Variants in DCLK1 observed in about 807,000 individuals in gnomAD.
The protein encoded by DCLK1 is serine/threonine-protein kinase DCLK1.
DCLK1 carries 16 observed loss-of-function variants against 86.2 expected under a neutral mutation model. That is an observed-to-expected ratio of 0.19 (90% CI 0.13 to 0.28). DCLK1 has a LOEUF of 0.28. Ranked by LOEUF, DCLK1 falls within the 10% of genes least tolerant of loss-of-function variation. The pLI is 1.00. For synonymous variants in DCLK1, 369 were observed against 370.5 expected (o/e 1.00, Z 0.05); for missense variants, 590 against 940.2 (o/e 0.63, Z 4.87).
chr13:36,054,232 G>A (rs987689794), intron 3 of DCLK1, among the ~76,000 whole-genome samples: 15 of 152,066 alleles, frequency 9.9e-5, no homozygotes, highest in African/African-American at 3.4e-4. Context: ...TCTCAGCAGT[G>A]ACACATCATC....
chr13:36,034,936 C>T (rs1300468802), intron 3 of DCLK1, among the ~76,000 whole-genome samples: 1 of 152,120 alleles, frequency 6.6e-6, no homozygotes, highest in Middle Eastern at 3.2e-3. Context: ...AGCGGAAAGG[C>T]TTAGGTAGGC....
At chr13:35,810,185 T>C (rs2087113894) in intron 12 of DCLK1, among the ~76,000 whole-genome samples, 1 of 152,192 alleles carries the variant, frequency 6.6e-6, no homozygotes, top group Non-Finnish European at 1.5e-5. Context: ...TCTAACCCAT[T>C]AGAGTTTCAA....
Position 35,810,843 on chromosome 13 carries a change from T to C in DCLK1, c.1680A>G (p.Ala560=), listed in dbSNP as rs2153102939. The change falls in exon 12 of 17, where the codon GCA becomes GCG. Residue 560 remains alanine (A), a synonymous_variant. Transcript: ENST00000360631. ...ATAAGAGAAGCATTTACCCAGTCTC[T>C]GCAATGATTTCTGGAGCCACGTATG... is the stretch of plus-strand genomic sequence containing the variant. ...TPTYVAPEII[A]ETGYGLKVDI... 1.1e-5 allele frequency: 17 copies of C among 1,613,880 alleles called. No homozygotes were observed. The highest frequency in any genetic ancestry group is 1.4e-5 in the Non-Finnish European group (16 of 1,179,892).
intron 8 of DCLK1, among the ~76,000 whole-genome samples, chr13:35,833,265 A>T (rs889454044): frequency 2.6e-5 from 4 of 152,134 alleles, no homozygotes; most frequent in African/African-American, 9.7e-5. Flanking sequence ...TCATGACTAT[A>T]TCACCCCAAC....
intron 3 of DCLK1, among the ~76,000 whole-genome samples, chr13:36,099,284 T>C (rs1885117004): frequency 6.6e-6 from 1 of 152,186 alleles, no homozygotes; most frequent in South Asian, 2.1e-4. Context: ...GGATTCTTAA[T>C]GTGCTAGAAG....
chr13:36,092,477 C>A (rs1469930869), intron 3 of DCLK1, among the ~76,000 whole-genome samples: 1 of 134,050 alleles, frequency 7.5e-6, no homozygotes, highest in Non-Finnish European at 1.5e-5. Flanking sequence ...ATCCGAGAGG[C>A]GTTTTCTTTT....
intron 3 of DCLK1, among the ~76,000 whole-genome samples, chr13:36,054,681 TA>T (rs777054548): frequency 2.6e-5 from 4 of 151,922 alleles, no homozygotes; most frequent in Non-Finnish European, 5.9e-5. Context: ...TATGAGGAGG[TA>T]AATGTGAGCA....
At chr13:35,852,082 G>A (rs927344614) in intron 6 of DCLK1, among the ~76,000 whole-genome samples, 2 of 151,896 alleles carry the variant, frequency 1.3e-5, no homozygotes, top group African/African-American at 4.8e-5. Context: ...AACACAGAAG[G>A]AAAAAATAGA....
rs1343053315 is a variant in DCLK1 at position 36,011,052 on chromosome 13, T to C, written c.724-63595A>G. On this transcript the variant is annotated intron_variant, in intron 3 of 16. Transcript: ENST00000360631. ...GTATTCTCTGATGGTAGTTTGTATT[T>C]CTGTGGGATCGGTGGTGATATCCCC... Among the ~76,000 whole-genome samples the C allele has an allele frequency of 7.3e-3, 379 of 51,626 alleles. 9 individuals carry two copies. The highest frequency in any genetic ancestry group is 0.027 in the African/African-American group (358 of 13,222). The allele number at this position is 51,626 out of a possible 152,430, so 33.9% of individuals were successfully genotyped here.
At chr13:35,819,974 A>G (rs1464404396) in intron 11 of DCLK1, among the ~76,000 whole-genome samples, 4 of 152,208 alleles carry the variant, frequency 2.6e-5, no homozygotes, top group African/African-American at 9.6e-5. Flanking sequence ...TCAAGGTCAT[A>G]AGACCAGGCA....
At chr13:36,050,681 A>G (rs1883092004) in intron 3 of DCLK1, among the ~76,000 whole-genome samples, 1 of 152,152 alleles carries the variant, frequency 6.6e-6, no homozygotes, top group Non-Finnish European at 1.5e-5. Flanking sequence ...CTCGTCCTTC[A>G]TTATGCATGA....
intron 4 of DCLK1, among the ~76,000 whole-genome samples, chr13:35,880,028 A>T (rs186706962): frequency 6.6e-6 from 1 of 152,244 alleles, no homozygotes; most frequent in South Asian, 2.1e-4. Flanking sequence ...TAACTCTTAC[A>T]TTCTTCCTCC....
chr13:36,102,864 A>C (rs1459936145), intron 3 of DCLK1, among the ~76,000 whole-genome samples: 1 of 152,230 alleles, frequency 6.6e-6, no homozygotes, highest in African/African-American at 2.4e-5. Context: ...GTAAGTCAGA[A>C]GATAGACAAA....
intron 4 of DCLK1, among the ~76,000 whole-genome samples, chr13:35,927,293 T>C (rs1876177028): frequency 6.6e-6 from 1 of 152,222 alleles, no homozygotes; most frequent in South Asian, 2.1e-4. Context: ...CATAAGTCCA[T>C]CCTTCTCAAT....
rs1434289673 is a variant in DCLK1, at chr13:35,854,008, AT to A, written c.1035+490del. 2.0e-5 allele frequency among the ~76,000 whole-genome samples: 3 copies of A among 152,288 alleles called. No individual in the cohort carries two copies. In the East Asian group the frequency reaches 5.8e-4, roughly 30 times the overall value. Reference sequence around the variant, plus strand: ...AAATTCTCCATAAATGCAAGTAGTGATGAAAAGGTGCTCAATGTGGGTTTCA... The same window carrying A: ...AAATTCTCCATAAATGCAAGTAGTGAGAAAAGGTGCTCAATGTGGGTTTCA... On this transcript the variant is annotated intron_variant, in intron 6 of 16. Coordinates refer to ENST00000360631, the MANE Select transcript of DCLK1 (RefSeq NM_001330071.2).
At chr13:36,073,498 C>CA (rs756687082) in intron 3 of DCLK1, among the ~76,000 whole-genome samples, 2 of 151,048 alleles carry the variant, frequency 1.3e-5, no homozygotes, top group South Asian at 2.1e-4. Context: ...AAACAAAAAA[C>CA]AAAAAACAAA....
intron 15 of DCLK1, 154 bp downstream of exon 15, chr13:35,805,545 C>T: frequency 1.5e-6 from 1 of 659,128 alleles, no homozygotes; most frequent in Middle Eastern, 2.7e-4. Flanking sequence ...GCAATCCACC[C>T]ACCTCGGCCT....
intron 16 of DCLK1, among the ~76,000 whole-genome samples, chr13:35,781,193 G>A (rs536309224): frequency 3.9e-5 from 6 of 152,276 alleles, no homozygotes; most frequent in African/African-American, 1.2e-4. Context: ...GTCACCCCAC[G>A]TCTCTATGCT....
At chr13:35,870,105 A>G (rs1872160968) in intron 5 of DCLK1, among the ~76,000 whole-genome samples, 1 of 152,246 alleles carries the variant, frequency 6.6e-6, no homozygotes, top group East Asian at 1.9e-4. Flanking sequence ...GGCAAACAAG[A>G]TGCATCTCAA....
Sources: gnomAD v4.1 joint callset for allele counts (sites outside exome capture counted in the v4.1 genomes callset) on GRCh38, gnomAD v4.1.1 for gene constraint, MANE v1.5 for transcripts, NCBI Gene and HGNC (gene_info 2026-07-23, HGNC 2026-07-21) for gene names.